TNNI3K: variants seen among roughly 807,000 people sequenced by gnomAD.
TNNI3K encodes the protein serine/threonine-protein kinase TNNI3K.
Under a neutral mutation model 114.5 loss-of-function variants are expected in TNNI3K, and 140 were observed. That is an observed-to-expected ratio of 1.22 (90% confidence interval 1.07 to 1.41). The LOEUF (loss-of-function observed/expected upper bound fraction) is 1.41, where lower values mean the gene tolerates loss of function less well. Among genes scored for constraint, TNNI3K ranks in the 40% most tolerant of loss-of-function variants. The probability of loss-of-function intolerance (pLI) is 0.00; values close to 1 mark genes in which losing one functional copy is unlikely to be tolerated. For missense variants in TNNI3K, 1,125 were observed against 1,007.6 expected (o/e 1.12, Z -1.58); for synonymous variants, 347 against 347.5 (o/e 1.00, Z 0.02).
At chr1:74,402,283 A>G (rs957790011) in intron 17 of TNNI3K, among the ~76,000 whole-genome samples, 1 of 152,150 alleles carries the variant, frequency 6.6e-6, no homozygotes, top group South Asian at 2.1e-4. Flanking sequence ...TGGTGATTAT[A>G]CTGCTCTTCT....
chr1:74,455,353 A>G (rs1407978878), intron 20 of TNNI3K, among the ~76,000 whole-genome samples: 1 of 152,206 alleles, frequency 6.6e-6, no homozygotes, highest in Non-Finnish European at 1.5e-5. Flanking sequence ...GAGGCCTGAG[A>G]AATCCACATA....
At chr1:74,498,022 A>G (rs1172340763) in intron 23 of TNNI3K, among the ~76,000 whole-genome samples, 2 of 152,110 alleles carry the variant, frequency 1.3e-5, no homozygotes, top group East Asian at 1.9e-4. Flanking sequence ...ATTCCCAAGG[A>G]CTAAAGAGAT....
chr1:74,302,237 A>G (rs1235469092), intron 5 of TNNI3K, among the ~76,000 whole-genome samples: 1 of 152,200 alleles, frequency 6.6e-6, no homozygotes, highest in Admixed American at 6.5e-5. Flanking sequence ...CGGTGAACTT[A>G]ATACAAATTT....
At chr1:74,378,477 G>C (rs932783425) in intron 17 of TNNI3K, among the ~76,000 whole-genome samples, 1 of 150,680 alleles carries the variant, frequency 6.6e-6, no homozygotes, top group African/African-American at 2.4e-5. Context: ...GACTTCTAGG[G>C]GGTCAACCAA....
chr1:74,395,624 C>T (rs1018584566), intron 17 of TNNI3K, among the ~76,000 whole-genome samples: 4 of 152,244 alleles, frequency 2.6e-5, no homozygotes, highest in East Asian at 1.9e-4. Context: ...ATCTAAGATA[C>T]GAAGCGAGTG....
rs758188248 is a variant in TNNI3K, at chr1:74,331,535, A to G, written c.530A>G (p.Tyr177Cys). 8.7e-6 allele frequency: 14 copies of G among 1,612,408 alleles called. No individual in the cohort carries two copies. The highest frequency in any genetic ancestry group is 6.7e-5 in the African/African-American group (5 of 74,930). Residue 177 changes from tyrosine to cysteine, a missense_variant, in exon 6 of 25, where the codon TAT (tyrosine) becomes TGT (cysteine). Physicochemically the swap from Tyr to Cys is radical, Grantham distance 194 (BLOSUM62 -2). Transcript: ENST00000326637. ...FFTPLHIAAYYGHEQVTRLLL... is the reference protein window; with the variant it reads ...FFTPLHIAAYCGHEQVTRLLL... ...ACTCCATTGCATATTGCAGCGTACT[A>G]TGGACATGAACAGGTAAGTCTGACA...
intron 24 of TNNI3K, among the ~76,000 whole-genome samples, chr1:74,542,764 A>G (rs1020445199): frequency 2.0e-5 from 3 of 152,232 alleles, no homozygotes; most frequent in Non-Finnish European, 4.4e-5. Context: ...ATAGCTATTG[A>G]CAAATGTGCT....
At chr1:74,358,382 C>A (rs1055283656) in intron 11 of TNNI3K, among the ~76,000 whole-genome samples, 5 of 152,000 alleles carry the variant, frequency 3.3e-5, no homozygotes, top group African/African-American at 1.2e-4. Context: ...ATACTTTGTT[C>A]ATTCCTTTTG....
intron 23 of TNNI3K, among the ~76,000 whole-genome samples, chr1:74,496,416 T>C (rs1669328303): frequency 6.6e-6 from 1 of 152,160 alleles, no homozygotes; most frequent in Admixed American, 6.6e-5. Context: ...AGTATAGCAT[T>C]ATGATTTTGA....
intron 17 of TNNI3K, among the ~76,000 whole-genome samples, chr1:74,408,778 A>G (rs1031338182): frequency 1.3e-5 from 2 of 152,210 alleles, no homozygotes; most frequent in African/African-American, 4.8e-5. Flanking sequence ...ATGGTAATGT[A>G]TTGTCAGAAT....
chr1:74,356,097 C>T (rs1360234087), intron 11 of TNNI3K, among the ~76,000 whole-genome samples: 1 of 152,104 alleles, frequency 6.6e-6, no homozygotes, highest in Non-Finnish European at 1.5e-5. Flanking sequence ...CGTTTTGCCA[C>T]TTTCTGCACT....
At chr1:74,383,302 GT>G (rs1477952017) in intron 17 of TNNI3K, among the ~76,000 whole-genome samples, 2 of 151,738 alleles carry the variant, frequency 1.3e-5, no homozygotes, top group African/African-American at 4.8e-5. Flanking sequence ...AAAAAAAATA[GT>G]TTTTTTGTTC....
In TNNI3K at chr1:74,271,683, T is replaced by C; in HGVS notation, c.419T>C (p.Ile140Thr). 1.2e-6 allele frequency: 2 copies of C among 1,608,628 alleles called. 1 individual carries two copies. Among genetic ancestry groups the C allele is most frequent in the South Asian group, 2.2e-5 (2 of 90,104 alleles). The change falls in exon 5 of 25, where the codon ATT (isoleucine) becomes ACT (threonine). Residue 140 changes from isoleucine to threonine, a missense_variant. Physicochemically the swap from Ile to Thr is moderately conservative, Grantham distance 89. Transcript: ENST00000326637. ...VGYGGLTALHIATIAGHLEAA... is the reference protein window; with the variant it reads ...VGYGGLTALHTATIAGHLEAA... ...TACGGTGGCCTCACTGCCCTCCATA[T>C]TGCTACAATAGCTGGCCACCTAGAG...
intron 17 of TNNI3K, among the ~76,000 whole-genome samples, chr1:74,411,743 G>A (rs1480594168): frequency 6.6e-6 from 1 of 152,080 alleles, no homozygotes; most frequent in Non-Finnish European, 1.5e-5. Context: ...AAATAACACG[G>A]GATATAGATA....
chr1:74,510,546 G>C (rs1429231026), intron 23 of TNNI3K, among the ~76,000 whole-genome samples: 1 of 151,968 alleles, frequency 6.6e-6, no homozygotes, highest in Non-Finnish European at 1.5e-5. Context: ...TTGAGAGATT[G>C]TCAAATCTCT....
chr1:74,422,042 C>T (rs1015063806), intron 17 of TNNI3K, among the ~76,000 whole-genome samples: 3 of 150,828 alleles, frequency 2.0e-5, no homozygotes, highest in Admixed American at 6.6e-5. Context: ...AAACCTACTC[C>T]TCATAATAAA....
At position 74,343,106 on chromosome 1, in the gene TNNI3K, A is replaced by C. The variant is rs200307603; in HGVS notation, c.859A>C (p.Lys287Gln). The C allele has an allele frequency of 5.3e-5, 86 of 1,613,408 alleles. No individual in the cohort carries two copies. The highest frequency in any genetic ancestry group is 7.2e-5 in the Non-Finnish European group (85 of 1,179,814). ...CTACAATGGCAAATTTGAAGTTGCCAAGGAAATCATCCAAATATCAGGAAC... is the reference window on the plus strand; with the variant it reads ...CTACAATGGCAAATTTGAAGTTGCCCAGGAAATCATCCAAATATCAGGAAC... ...ACYNGKFEVAKEIIQISGTES... is the reference protein window; with the variant it reads ...ACYNGKFEVAQEIIQISGTES... The change falls in exon 9 of 25, where the codon AAG becomes CAG. Residue 287 changes from lysine (K) to glutamine (Q), a missense_variant. Lys to Gln is a moderately conservative substitution (Grantham distance 53, BLOSUM62 1). Coordinates refer to ENST00000326637, the MANE Select transcript of TNNI3K (RefSeq NM_015978.3).
intron 5 of TNNI3K, among the ~76,000 whole-genome samples, chr1:74,281,098 G>T (rs1182094681): frequency 6.6e-6 from 1 of 152,136 alleles, no homozygotes; most frequent in Non-Finnish European, 1.5e-5. Context: ...GTGCGCTGAA[G>T]GGAAGGACCC....
At chr1:74,297,520 T>C (rs1004619154) in intron 5 of TNNI3K, among the ~76,000 whole-genome samples, 3 of 122,858 alleles carry the variant, frequency 2.4e-5, no homozygotes, top group Admixed American at 8.7e-5. Flanking sequence ...AGTGTGTGTG[T>C]GCGTGTGTGT....
Sources: allele counts gnomAD v4.1 joint callset (sites outside exome capture counted in the v4.1 genomes callset), GRCh38; gene constraint gnomAD v4.1.1; transcripts MANE v1.5; gene names NCBI Gene and HGNC (gene_info 2026-07-23, HGNC 2026-07-21).